The following COL4A6 variants were observed in gnomAD, a reference collection of about 807,000 sequenced individuals.
COL4A6 encodes collagen alpha-6(IV) chain.
In COL4A6, 59 loss-of-function variants were observed where a neutral mutation model predicts 126.7. The observed-to-expected ratio is 0.47, with a 90% CI of 0.38 to 0.58. COL4A6 has a LOEUF of 0.58. Ranked by LOEUF, COL4A6 falls within the 20% of genes least tolerant of loss-of-function variation. The pLI is 0.00. For missense variants in COL4A6, 1,285 were observed against 1,337.3 expected (o/e 0.96, Z 0.61); for synonymous variants, 547 against 496.6 (o/e 1.10, Z -1.35).
chrX:108,336,322 A>G (rs1240282416), intron 2 of COL4A6, among the ~76,000 whole-genome samples: 1 of 112,212 alleles, frequency 8.9e-6, no homozygotes, highest in African/African-American at 3.2e-5. Flanking sequence ...CAGCCATAAA[A>G]AGAAATGAAA....
intron 3 of COL4A6, among the ~76,000 whole-genome samples, chrX:108,303,619 A>C (rs1031451895): frequency 1.8e-5 from 2 of 112,023 alleles, no homozygotes; most frequent in African/African-American, 6.5e-5. Flanking sequence ...CTTCATTTAA[A>C]GAGCGAGTTT....
intron 2 of COL4A6, among the ~76,000 whole-genome samples, chrX:108,341,479 T>C (rs2039562898): frequency 9.0e-6 from 1 of 110,944 alleles, no homozygotes; most frequent in Admixed American, 9.6e-5. Flanking sequence ...ACATGATGGT[T>C]TTATAAGGGG....
At chrX:108,192,669 C>T (rs1035067158) in intron 17 of COL4A6, 89 bp from the exon 18 acceptor site, 2 of 592,460 alleles carry the variant, frequency 3.4e-6, no homozygotes, top group African/African-American at 2.3e-5. Flanking sequence ...CAGGAGCTGT[C>T]CTGGCATTAG....
chrX:108,247,767 C>G (rs1050124154), intron 3 of COL4A6, among the ~76,000 whole-genome samples: 1 of 111,471 alleles, frequency 9.0e-6, no homozygotes, highest in South Asian at 3.8e-4. Context: ...ACCTGCCCCC[C>G]ACTGCCACCA....
At chrX:108,342,232 C>T (rs1041055996) in intron 2 of COL4A6, among the ~76,000 whole-genome samples, 2 of 112,278 alleles carry the variant, frequency 1.8e-5, no homozygotes, top group African/African-American at 6.5e-5. Flanking sequence ...ACACATAAAG[C>T]AACCTTTCTG....
At chrX:108,170,750 G>C (rs770638630) in intron 34 of COL4A6, 34 bp from the exon 35 acceptor site, 1 of 1,200,129 alleles carries the variant, frequency 8.3e-7, no homozygotes, top group East Asian at 3.0e-5. Flanking sequence ...GTTCAGAATG[G>C]GGCATGGCTT....
rs755009025 is a variant in COL4A6, at chrX:108,193,520, G to A, written c.1072+108C>T. 2.4e-5 allele frequency: 16 copies of A among 676,469 alleles called. No individual in the cohort carries two copies. The South Asian group carries it at 2.4e-4, about 10-fold the overall frequency. The allele number at this position is 676,469 out of a possible 1,213,427, so 55.7% of individuals were successfully genotyped here. ...CATGAGGGGCTCTTGGGTGTGTCAA[G>A]TTTAGCAACAATCGAGTAACTAACA... On this transcript the variant is annotated intron_variant, in intron 17 of 44. Transcript: ENST00000334504.
At chrX:108,268,218 T>A (rs2037361871) in intron 3 of COL4A6, 1 of 112,240 alleles carries the variant, frequency 8.9e-6, no homozygotes, top group East Asian at 2.8e-4. Context: ...GTATTTAAAA[T>A]GGTTCATTTA....
At chrX:108,278,393 T>C (rs1217256491) in intron 3 of COL4A6, among the ~76,000 whole-genome samples, 1 of 111,085 alleles carries the variant, frequency 9.0e-6, no homozygotes, top group Non-Finnish European at 1.9e-5. Flanking sequence ...AGGGTATCAG[T>C]GATGGAAGAT....
intron 3 of COL4A6, among the ~76,000 whole-genome samples, chrX:108,297,904 C>G (rs1387075977): frequency 1.8e-5 from 2 of 109,528 alleles, no homozygotes; most frequent in Non-Finnish European, 3.8e-5. Context: ...CTGTCTTCTC[C>G]TTTCTATCCC....
At chrX:108,417,816 T>C (rs950260876) in intron 2 of COL4A6, among the ~76,000 whole-genome samples, 14 of 111,980 alleles carry the variant, frequency 1.3e-4, no homozygotes, top group Admixed American at 9.5e-5. Context: ...ATTCTTCCCT[T>C]AGAGTGGTAT....
At chrX:108,255,066 A>G (rs898083085) in intron 3 of COL4A6, among the ~76,000 whole-genome samples, 1 of 108,666 alleles carries the variant, frequency 9.2e-6, no homozygotes, top group Admixed American at 1.0e-4. Context: ...ATCTGCCAGG[A>G]AAGCTTTCCA....
chrX:108,359,503 C>T (rs1188133074), intron 2 of COL4A6, among the ~76,000 whole-genome samples: 1 of 112,630 alleles, frequency 8.9e-6, no homozygotes, highest in African/African-American at 3.2e-5. Flanking sequence ...CTTTCCTGTA[C>T]CAGGAGATTC....
chrX:108,175,256 G>A (rs1387560603), intron 29 of COL4A6, 41 bp from the exon 30 acceptor site: 8 of 1,125,252 alleles, frequency 7.1e-6, no homozygotes, highest in South Asian at 2.4e-5. Context: ...GAGCTTAGAC[G>A]CAGGGTCAGG....
At chrX:108,355,909 A>G (rs2039949118) in intron 2 of COL4A6, among the ~76,000 whole-genome samples, 1 of 111,629 alleles carries the variant, frequency 9.0e-6, no homozygotes, top group South Asian at 3.8e-4. Context: ...CAAGGTAGAT[A>G]CTACTAATAA....
chrX:108,434,271 A>G (rs2064223852), intron 2 of COL4A6, among the ~76,000 whole-genome samples: 1 of 111,406 alleles, frequency 9.0e-6, no homozygotes, highest in Non-Finnish European at 1.9e-5. Flanking sequence ...AGTGAAGCCT[A>G]TGGACTCCTT....
At chrX:108,260,468 G>A (rs2037132466) in intron 3 of COL4A6, among the ~76,000 whole-genome samples, 1 of 111,158 alleles carries the variant, frequency 9.0e-6, no homozygotes, top group African/African-American at 3.3e-5. Flanking sequence ...ATGGGGGCGG[G>A]TCTTCCCCAT....
chrX:108,248,566 C>T (rs1004822931), intron 3 of COL4A6, among the ~76,000 whole-genome samples: 2 of 111,075 alleles, frequency 1.8e-5, no homozygotes, highest in Non-Finnish European at 3.8e-5. Flanking sequence ...ACCTGCTACA[C>T]CACTACAAAA....
intron 2 of COL4A6, among the ~76,000 whole-genome samples, chrX:108,363,234 A>T (rs1156236845): frequency 8.9e-6 from 1 of 111,824 alleles, no homozygotes; most frequent in Non-Finnish European, 1.9e-5. Context: ...GGTAAAAGCG[A>T]TACTACTTCC....
Sources: allele counts gnomAD v4.1 joint callset (sites outside exome capture counted in the v4.1 genomes callset), GRCh38; gene constraint gnomAD v4.1.1; transcripts MANE v1.5; gene names NCBI Gene and HGNC (gene_info 2026-07-23, HGNC 2026-07-21).